Variants in CSMD1 observed in about 807,000 individuals in gnomAD.
CSMD1 encodes the protein CUB and Sushi multiple domains 1.
Under a neutral mutation model 417.5 loss-of-function variants are expected in CSMD1, and 213 were observed. That is an observed-to-expected ratio of 0.51 (90% CI 0.46 to 0.57). CSMD1 has a LOEUF of 0.57. Among genes scored for constraint, CSMD1 ranks in the 20% least tolerant of loss-of-function variants. The pLI is 0.00. For synonymous variants in CSMD1, 2,862 were observed against 1,736.8 expected (o/e 1.65, Z -16.11); for missense variants, 6,923 against 4,529.7 (o/e 1.53, Z -15.17).
At chr8:4,594,238 C>A (rs1432149739) in intron 2 of CSMD1, among the ~76,000 whole-genome samples, 1 of 116,588 alleles carries the variant, frequency 8.6e-6, no homozygotes, top group Non-Finnish European at 1.7e-5. Context: ...GGGTCTTGCT[C>A]TGTTACCCAG....
chr8:3,371,489 T>C (rs1229288745), intron 18 of CSMD1, among the ~76,000 whole-genome samples: 1 of 150,888 alleles, frequency 6.6e-6, no homozygotes, highest in African/African-American at 2.4e-5. Flanking sequence ...TTTTTTTTTT[T>C]TAACATGCCC....
intron 3 of CSMD1, among the ~76,000 whole-genome samples, chr8:4,196,597 C>A (rs750213070): frequency 2.6e-5 from 4 of 152,104 alleles, no homozygotes; most frequent in African/African-American, 9.7e-5. Context: ...GGGGTCATAG[C>A]CTTCTTTGTG....
chr8:4,786,032 T>C (rs866898456), intron 1 of CSMD1, among the ~76,000 whole-genome samples: 3 of 152,128 alleles, frequency 2.0e-5, no homozygotes, highest in Admixed American at 6.6e-5. Flanking sequence ...TCCTAAGAAA[T>C]AGAATAGCCA....
chr8:4,041,265 C>A (rs945634856), intron 3 of CSMD1, among the ~76,000 whole-genome samples: 5 of 148,472 alleles, frequency 3.4e-5, no homozygotes, highest in South Asian at 2.1e-4. Context: ...GATCCGCCCG[C>A]CTCGGCCTCC....
chr8:4,111,510 G>A (rs551056474), intron 3 of CSMD1, among the ~76,000 whole-genome samples: 26 of 152,148 alleles, frequency 1.7e-4, no homozygotes, highest in Non-Finnish European at 3.4e-4. Context: ...CAAAGACATG[G>A]AATCCACCCA....
rs142332481 is a variant in CSMD1, at chr8:4,156,346, C to T, written c.416-124247G>A. Among the ~76,000 whole-genome samples the T allele has an allele frequency of 5.3e-5, 8 of 152,260 alleles. No individual in the cohort carries two copies. In the South Asian group the frequency reaches 1.7e-3, roughly 32 times the overall value. ...CGGCCGTGCAAAGTTTATGTTCTCT[C>T]TGGTTTTGATAAAACTTAAATGAAT... On this transcript the variant is annotated intron_variant, in intron 3 of 69. Coordinates refer to ENST00000635120, the MANE Select transcript of CSMD1 (RefSeq NM_033225.6).
At chr8:4,443,134 G>A (rs531840411) in intron 2 of CSMD1, among the ~76,000 whole-genome samples, 8 of 152,244 alleles carry the variant, frequency 5.3e-5, no homozygotes, top group Admixed American at 2.6e-4. Flanking sequence ...AGCTGGTATA[G>A]CAACAGTATC....
intron 5 of CSMD1, among the ~76,000 whole-genome samples, chr8:3,759,490 C>T (rs1797867728): frequency 6.6e-6 from 1 of 152,064 alleles, no homozygotes. Context: ...TTTAGGCCTG[C>T]TGGATTTGGT....
At chr8:3,966,384 G>C (rs1000083048) in intron 5 of CSMD1, among the ~76,000 whole-genome samples, 2 of 151,964 alleles carry the variant, frequency 1.3e-5, no homozygotes, top group African/African-American at 4.8e-5. Flanking sequence ...CTTGCGTCTT[G>C]AAAACAATTC....
intron 6 of CSMD1, among the ~76,000 whole-genome samples, chr8:3,743,010 G>A (rs140265240): frequency 4.9e-4 from 74 of 152,300 alleles, no homozygotes; most frequent in African/African-American, 9.4e-4. Flanking sequence ...CGCCACCCTT[G>A]GAACATACGC....
chr8:3,546,197 C>T (rs1027323636), intron 10 of CSMD1, among the ~76,000 whole-genome samples: 23 of 152,058 alleles, frequency 1.5e-4, no homozygotes, highest in African/African-American at 5.3e-4. Context: ...AACACTTCAT[C>T]TTAGAGAAAT....
intron 3 of CSMD1, among the ~76,000 whole-genome samples, chr8:4,053,071 T>A (rs1798515229): frequency 6.6e-6 from 1 of 152,112 alleles, no homozygotes; most frequent in Non-Finnish European, 1.5e-5. Context: ...GGCTGTGTGC[T>A]GAAAGGATGA....
chr8:4,727,934 T>C (rs1226527975), intron 1 of CSMD1, among the ~76,000 whole-genome samples: 1 of 137,866 alleles, frequency 7.3e-6, no homozygotes, highest in East Asian at 2.1e-4. Context: ...CTAATATATA[T>C]ATATACAAAA....
intron 1 of CSMD1, among the ~76,000 whole-genome samples, chr8:4,866,496 T>C (rs912664924): frequency 1.3e-5 from 2 of 151,988 alleles, no homozygotes; most frequent in Non-Finnish European, 2.9e-5. Context: ...ATCTACTTTA[T>C]GCTAGGTACT....
intron 48 of CSMD1, among the ~76,000 whole-genome samples, chr8:3,088,622 T>C (rs984244211): frequency 6.6e-6 from 1 of 152,030 alleles, no homozygotes; most frequent in East Asian, 1.9e-4. Flanking sequence ...GCCTCTGAAG[T>C]ACCATTTCCT....
At chr8:3,860,045 T>C (rs1300456616) in intron 5 of CSMD1, among the ~76,000 whole-genome samples, 1 of 152,016 alleles carries the variant, frequency 6.6e-6, no homozygotes, top group Admixed American at 6.6e-5. Context: ...TGGAGGGTCA[T>C]GCCCTTGCGC....
chr8:4,433,949 T>G lies in CSMD1; in HGVS notation c.303-13884A>C, dbSNP rs1330404592. On this transcript the variant is annotated intron_variant, in intron 2 of 69. Coordinates refer to ENST00000635120, the MANE Select transcript of CSMD1 (RefSeq NM_033225.6). ...AAGGGGGAAACTTGTAGAATTGAGG[T>G]TTATTCACTGTGGGCTCCAGGAAGT... Among the ~76,000 whole-genome samples the G allele has an allele frequency of 6.6e-5, 10 of 152,010 alleles. No homozygotes were observed. The South Asian group carries it at 1.5e-3, about 22-fold the overall frequency.
intron 12 of CSMD1, among the ~76,000 whole-genome samples, chr8:3,449,219 C>A (rs1445480355): frequency 6.6e-6 from 1 of 152,150 alleles, no homozygotes; most frequent in Non-Finnish European, 1.5e-5. Flanking sequence ...TAGCATAAAC[C>A]TGAAGAATTG....
chr8:3,061,624 T>C (rs1414117613), intron 49 of CSMD1, among the ~76,000 whole-genome samples: 2 of 152,116 alleles, frequency 1.3e-5, no homozygotes, highest in Non-Finnish European at 1.5e-5. Flanking sequence ...CCGATCCATA[T>C]ACAATAAAGC....
Sources: gnomAD v4.1 joint callset for allele counts (sites outside exome capture counted in the v4.1 genomes callset) on GRCh38, gnomAD v4.1.1 for gene constraint, MANE v1.5 for transcripts, NCBI Gene and HGNC (gene_info 2026-07-23, HGNC 2026-07-21) for gene names.